SHISA9: variants seen among roughly 807,000 people sequenced by gnomAD.
SHISA9 encodes protein shisa-9.
Under a neutral mutation model 38.0 loss-of-function variants are expected in SHISA9, and 13 were observed. That is an observed-to-expected ratio of 0.34 (90% CI 0.22 to 0.54). The LOEUF (loss-of-function observed/expected upper bound fraction) is 0.54. SHISA9 is among the 20% of genes least tolerant of loss of function. The pLI, the probability that SHISA9 is intolerant of heterozygous loss-of-function variation, is 0.91. For missense variants in SHISA9, 538 were observed against 575.8 expected, an observed-to-expected ratio of 0.93 and a Z score of 0.67; for synonymous variants, 275 against 242.0, an observed-to-expected ratio of 1.14 and a Z score of -1.27.
At chr16:13,295,048 A>G in the SHISA9 span, among the ~76,000 whole-genome samples, 1 of 152,182 alleles carries the variant, frequency 6.6e-6, no homozygotes, top group African/African-American at 2.4e-5. Flanking sequence ...GGGAATAGAA[A>G]GGTTTGGTAC....
At chr16:13,436,922 C>G in the SHISA9 span, among the ~76,000 whole-genome samples, 28,796 of 152,122 alleles carry the variant, frequency 0.19, 2,919 homozygotes, top group African/African-American at 0.26. Context: ...TTTGGTTTCA[C>G]CAACAGTTCA....
intron 2 of SHISA9, among the ~76,000 whole-genome samples, chr16:13,186,648 G>A (rs1451444440): frequency 2.6e-5 from 4 of 151,968 alleles, no homozygotes; most frequent in Non-Finnish European, 5.9e-5. Context: ...TAGTACATTC[G>A]CATTGTTGTG....
At chr16:13,473,294 G>C in the SHISA9 span, among the ~76,000 whole-genome samples, 1 of 146,586 alleles carries the variant, frequency 6.8e-6, no homozygotes, top group Non-Finnish European at 1.5e-5. Context: ...GTCTGATAAG[G>C]TTTATTTTCT....
At chr16:13,162,905 C>G (rs116741278) in intron 2 of SHISA9, among the ~76,000 whole-genome samples, 2,941 of 151,700 alleles carry the variant, frequency 0.019, 90 homozygotes, top group African/African-American at 0.066. Flanking sequence ...GAGCCGTTAT[C>G]CTGTTCACCA....
intron 2 of SHISA9, among the ~76,000 whole-genome samples, chr16:13,125,963 C>T (rs2050252921): frequency 6.6e-6 from 1 of 152,154 alleles, no homozygotes; most frequent in Non-Finnish European, 1.5e-5. Flanking sequence ...ACAGAAGCAA[C>T]CTGTTTTCTT....
At chr16:12,994,031 A>G (rs1421197240) in intron 2 of SHISA9, among the ~76,000 whole-genome samples, 1 of 152,180 alleles carries the variant, frequency 6.6e-6, no homozygotes, top group Non-Finnish European at 1.5e-5. Context: ...ACACCTGGCT[A>G]AAAACCCCAG....
the SHISA9 span, among the ~76,000 whole-genome samples, chr16:13,289,690 G>C: frequency 6.6e-6 from 1 of 151,920 alleles, no homozygotes; most frequent in East Asian, 1.9e-4. Flanking sequence ...GAGAGAGAGA[G>C]AGATTGAGAG....
At chr16:13,404,366 A>G in the SHISA9 span, among the ~76,000 whole-genome samples, 2 of 152,344 alleles carry the variant, frequency 1.3e-5, no homozygotes, top group Admixed American at 1.3e-4. Context: ...CTTTGAAGTC[A>G]TATATTAGAG....
chr16:13,027,414 G>T (rs1274907014), intron 2 of SHISA9, among the ~76,000 whole-genome samples: 1 of 152,086 alleles, frequency 6.6e-6, no homozygotes. Context: ...TATACACTTA[G>T]CATGCAACCC....
At chr16:13,323,241 A>G in the SHISA9 span, among the ~76,000 whole-genome samples, 2 of 152,216 alleles carry the variant, frequency 1.3e-5, no homozygotes, top group Admixed American at 1.3e-4. Flanking sequence ...TCTCCACCAA[A>G]CATCCTTTTG....
At chr16:13,429,386 C>T in the SHISA9 span, among the ~76,000 whole-genome samples, 1 of 152,146 alleles carries the variant, frequency 6.6e-6, no homozygotes, top group South Asian at 2.1e-4. Context: ...TCTCTCACAG[C>T]TCTCTGTGGT....
the SHISA9 span, among the ~76,000 whole-genome samples, chr16:13,503,760 A>AT: frequency 6.6e-6 from 1 of 152,186 alleles, no homozygotes; most frequent in South Asian, 2.1e-4. Flanking sequence ...GTCATTGAAG[A>AT]TTTTAAGGCG....
intron 2 of SHISA9, among the ~76,000 whole-genome samples, chr16:13,164,854 T>C (rs1358120844): frequency 6.6e-6 from 1 of 152,200 alleles, no homozygotes; most frequent in African/African-American, 2.4e-5. Flanking sequence ...TTGGATGACA[T>C]GAACCTTTTT....
At chr16:13,234,982 C>T (rs558028066) in intron 4 of SHISA9, 48 bp from the exon 5 acceptor site, 26 of 1,488,886 alleles carry the variant, frequency 1.7e-5, no homozygotes, top group Admixed American at 1.5e-4. Flanking sequence ...CTCTCTCTCT[C>T]TCTCTTCTCT....
chr16:13,083,190 T>A (rs2073672721), intron 2 of SHISA9, among the ~76,000 whole-genome samples: 1 of 152,162 alleles, frequency 6.6e-6, no homozygotes, highest in African/African-American at 2.4e-5. Context: ...CTTCTCTGTT[T>A]CTCCTGGCAG....
At chr16:13,552,924 C>A in the SHISA9 span, among the ~76,000 whole-genome samples, 2 of 151,918 alleles carry the variant, frequency 1.3e-5, no homozygotes, top group African/African-American at 4.8e-5. Context: ...AGTTTCTCAA[C>A]CACAGGCGCT....
intron 2 of SHISA9, among the ~76,000 whole-genome samples, chr16:13,146,446 G>T (rs1045122061): frequency 6.6e-6 from 1 of 152,156 alleles, no homozygotes; most frequent in East Asian, 1.9e-4. Context: ...ATACAGGCAT[G>T]TAATGCATAA....
intron 2 of SHISA9, among the ~76,000 whole-genome samples, chr16:13,100,226 C>T (rs1455169272): frequency 1.3e-5 from 2 of 152,216 alleles, no homozygotes; most frequent in Non-Finnish European, 2.9e-5. Context: ...AAACACCACT[C>T]AGAACAAAAC....
At chr16:13,434,419 G>GTTTCTTTTTTTTT in the SHISA9 span, among the ~76,000 whole-genome samples, 1 of 64,566 alleles carries the variant, frequency 1.5e-5, no homozygotes, top group Non-Finnish European at 3.2e-5. Context: ...GACAAGCTAT[G>GTTTCTTTTTTTTT]TTTTTTTTTT....
Sources: allele counts gnomAD v4.1 joint callset (sites outside exome capture counted in the v4.1 genomes callset), GRCh38; gene constraint gnomAD v4.1.1; transcripts MANE v1.5; gene names NCBI Gene and HGNC (gene_info 2026-07-23, HGNC 2026-07-21).